FAM184A: variants seen among roughly 807,000 people sequenced by gnomAD.
FAM184A encodes family with sequence similarity 184 member A.
In FAM184A, 99 loss-of-function variants were observed where a neutral mutation model predicts 143.8. That is an observed-to-expected ratio of 0.69 (90% CI 0.58 to 0.81). The LOEUF (loss-of-function observed/expected upper bound fraction) is 0.81. Ranked by LOEUF, FAM184A falls within the 40% of genes least tolerant of loss-of-function variation. The pLI, the probability that FAM184A is intolerant of heterozygous loss-of-function variation, is 0.00. For synonymous variants in FAM184A, 427 were observed against 446.4 expected, an observed-to-expected ratio of 0.96 and a Z score of 0.55; for missense variants, 1,217 against 1,310.5, an observed-to-expected ratio of 0.93 and a Z score of 1.10.
upstream of FAM184A, chr6:119,078,714 A>C (rs1311597844): frequency 6.5e-6 from 1 of 154,908 alleles, no homozygotes; most frequent in Non-Finnish European, 1.4e-5. This position sits in a 1 kb window ranked among gnomAD's most constrained non-coding sequence, Gnocchi z 5.5. Flanking sequence ...AGGCGGGGAC[A>C]TGGAGGAGGA....
At chr6:118,991,750 A>AATTT (rs1484717964) in intron 9 of FAM184A, among the ~76,000 whole-genome samples, 1 of 71,118 alleles carries the variant, frequency 1.4e-5, no homozygotes, top group Non-Finnish European at 2.9e-5. Flanking sequence ...CCCTGAGAGG[A>AATTT]CTTTTTTTTT....
At chr6:119,119,662 T>C (rs894511132) in intron 1 of FAM184A, among the ~76,000 whole-genome samples, 3 of 152,070 alleles carry the variant, frequency 2.0e-5, no homozygotes, top group African/African-American at 4.8e-5. Context: ...GTTTTTGCCT[T>C]TTTAAAAAAA....
Position 119,078,310 on chromosome 6 carries a change from G to T in FAM184A, c.-11C>A. 6.9e-7 allele frequency: 1 copy of T among 1,441,486 alleles called. No individual in the cohort carries two copies. Among genetic ancestry groups the T allele is most frequent in the Non-Finnish European group, 9.1e-7 (1 of 1,101,042 alleles). 89.3% of individuals were successfully genotyped at this position (1,441,486 alleles called of 1,614,324 possible). On this transcript the variant is annotated 5_prime_UTR_variant, in exon 1 of 18. In the 5' UTR this introduces an upstream ATG that the reference lacks. Coordinates refer to ENST00000338891, the MANE Select transcript of FAM184A (RefSeq NM_024581.6). The surrounding 1 kb of genome is among the most constrained non-coding windows in gnomAD (Gnocchi z 5.5). ...GCCCGGGGTCGCCATCTTCCCAACA[G>T]ACCCCAGCCGGGGCACCTGTCCCCG...
intron 1 of FAM184A, among the ~76,000 whole-genome samples, chr6:119,047,790 C>T (rs637322): frequency 0.035 from 5,282 of 152,212 alleles, 352 homozygotes; most frequent in African/African-American, 0.12. Context: ...CCAAATTCTA[C>T]CAGATATAAA....
At chr6:119,071,433 TA>T (rs1212197628) in intron 1 of FAM184A, among the ~76,000 whole-genome samples, 1 of 152,164 alleles carries the variant, frequency 6.6e-6, no homozygotes, top group East Asian at 1.9e-4. Context: ...AACCTGTTAA[TA>T]AAAACATGAA....
At chr6:119,108,513 G>A (rs997536644) in intron 1 of FAM184A, among the ~76,000 whole-genome samples, 1 of 151,998 alleles carries the variant, frequency 6.6e-6, no homozygotes, top group Non-Finnish European at 1.5e-5. Flanking sequence ...ATTCCATGAT[G>A]GTGTACTGGG....
intron 1 of FAM184A, chr6:119,058,043 A>G (rs1049119258): frequency 2.6e-5 from 4 of 150,998 alleles, no homozygotes; most frequent in African/African-American, 7.3e-5. Context: ...GTTTTTCCCT[A>G]TTCCCTGAAA....
At chr6:119,065,175 G>A (rs673507) in intron 1 of FAM184A, among the ~76,000 whole-genome samples, 5,882 of 152,254 alleles carry the variant, frequency 0.039, 411 homozygotes, top group African/African-American at 0.13. Flanking sequence ...ATGATGACAT[G>A]TCACCATTCT....
At chr6:118,998,994 T>A (rs1209073829) in intron 9 of FAM184A, among the ~76,000 whole-genome samples, 1 of 152,148 alleles carries the variant, frequency 6.6e-6, no homozygotes, top group Non-Finnish European at 1.5e-5. Flanking sequence ...AAGGTAACAG[T>A]TGCAGTACAG....
chr6:119,122,279 G>A (rs1789235912), intron 1 of FAM184A, among the ~76,000 whole-genome samples: 1 of 152,146 alleles, frequency 6.6e-6, no homozygotes, highest in Admixed American at 6.5e-5. Context: ...GGTTTCTAGA[G>A]GAATTCAGAT....
chr6:119,017,967 T>C (rs1205079759), intron 4 of FAM184A, among the ~76,000 whole-genome samples: 1 of 152,210 alleles, frequency 6.6e-6, no homozygotes, highest in African/African-American at 2.4e-5. Flanking sequence ...CCTTCCAGCA[T>C]GATTGTAAGC....
chr6:118,971,711 A>T (rs563809543), intron 14 of FAM184A, among the ~76,000 whole-genome samples: 1 of 152,222 alleles, frequency 6.6e-6, no homozygotes, highest in Non-Finnish European at 1.5e-5. Flanking sequence ...ACCAAAGCGG[A>T]TTTGTAATAA....
intron 1 of FAM184A, among the ~76,000 whole-genome samples, chr6:119,064,572 G>A (rs1787374830): frequency 6.6e-6 from 1 of 152,112 alleles, no homozygotes; most frequent in Non-Finnish European, 1.5e-5. Flanking sequence ...TGGGCATAGT[G>A]GCGCATACCT....
chr6:118,990,159 G>C (rs185347770), intron 9 of FAM184A, among the ~76,000 whole-genome samples: 42 of 152,270 alleles, frequency 2.8e-4, no homozygotes, highest in African/African-American at 1.0e-3. Flanking sequence ...TGATGTCCTA[G>C]TACTAGAAGT....
intron 16 of FAM184A, chr6:118,963,888 C>T (rs1783411157): frequency 6.6e-6 from 1 of 151,788 alleles, no homozygotes; most frequent in Non-Finnish European, 1.5e-5. Flanking sequence ...TACTGAATAC[C>T]TACTATACCC....
chr6:119,087,615 G>C (rs148475731), intron 1 of FAM184A, among the ~76,000 whole-genome samples: 8 of 152,316 alleles, frequency 5.3e-5, no homozygotes, highest in Admixed American at 2.6e-4. Flanking sequence ...GTGGTACATG[G>C]AGAAATTGGG....
chr6:119,132,999 A>G (rs1358009456), intron 1 of FAM184A, among the ~76,000 whole-genome samples: 1 of 152,214 alleles, frequency 6.6e-6, no homozygotes, highest in Non-Finnish European at 1.5e-5. Flanking sequence ...TTGTTCATAA[A>G]TACTACTGGT....
chr6:119,119,167 G>C (rs1935819), intron 1 of FAM184A, among the ~76,000 whole-genome samples: 31,710 of 152,220 alleles, frequency 0.21, 3,674 homozygotes, highest in Non-Finnish European at 0.26. Context: ...CTCCCGATAA[G>C]ATGTTATCAA....
intron 1 of FAM184A, among the ~76,000 whole-genome samples, chr6:119,091,239 G>A (rs1015948700): frequency 1.3e-5 from 2 of 152,176 alleles, no homozygotes; most frequent in African/African-American, 4.8e-5. Flanking sequence ...CAGAGCCTAA[G>A]GATGTGAACA....
Sources: gnomAD v4.1 joint callset for allele counts (sites outside exome capture counted in the v4.1 genomes callset) on GRCh38, gnomAD v4.1.1 for gene constraint, Gnocchi (gnomAD v3.1) non-coding constraint, MANE v1.5 for transcripts, NCBI Gene and HGNC (gene_info 2026-07-23, HGNC 2026-07-21) for gene names.